Variants in POFUT2 observed in about 807,000 individuals in gnomAD.
POFUT2 encodes protein O-fucosyltransferase 2.
POFUT2 carries 30 observed loss-of-function variants against 55.0 expected under a neutral mutation model. The observed-to-expected ratio is 0.55, with a 90% CI of 0.41 to 0.74. The LOEUF (loss-of-function observed/expected upper bound fraction) is 0.74, where lower values mean the gene tolerates loss of function less well. POFUT2 is among the 30% of genes least tolerant of loss of function. The pLI, the probability that POFUT2 is intolerant of heterozygous loss-of-function variation, is 0.00. For synonymous variants in POFUT2, 267 were observed against 231.1 expected, an observed-to-expected ratio of 1.16 and a Z score of -1.41; for missense variants, 524 against 562.6, an observed-to-expected ratio of 0.93 and a Z score of 0.69.
rs535464800 is a variant in POFUT2, at chr21:45,282,604, C to T, written c.528-145G>A. Reference sequence around the variant, plus strand: ...AAACTTACTGATCGTGACTGCAGATCGTGACATTCTAGTAAAATTTTAAAA... The same window carrying T: ...AAACTTACTGATCGTGACTGCAGATTGTGACATTCTAGTAAAATTTTAAAA... On this transcript the variant is annotated intron_variant, in intron 3 of 8. Transcript: ENST00000349485. The surrounding 1 kb of genome is among the most constrained non-coding windows in gnomAD (Gnocchi z 4.6). 1.9e-4 allele frequency: 130 copies of T among 676,282 alleles called. No individual in the cohort carries two copies. Among genetic ancestry groups the T allele is most frequent in the African/African-American group, 1.9e-3 (105 of 55,094 alleles). 41.9% of individuals were successfully genotyped at this position (676,282 alleles called of 1,614,324 possible). A position where few individuals can be genotyped will look rare whatever the true frequency, so the allele number is the denominator to read the frequency against.
In POFUT2 at chr21:45,287,875, C is replaced by T. The variant is rs1323222191; in HGVS notation, c.-4G>A. ...AGACGAAGCTGAGTGTCGCCATGGC[C>T]CCGGGCGGCCACGCACTTCCGGCGG... is the stretch of plus-strand genomic sequence containing the variant. On this transcript the variant is annotated 5_prime_UTR_variant, in exon 1 of 9. Coordinates refer to ENST00000349485, the MANE Select transcript of POFUT2 (RefSeq NM_133635.6). The T allele has an allele frequency of 1.5e-6, 2 of 1,344,482 alleles. No homozygotes were observed. The highest frequency in any genetic ancestry group is 3.6e-5 in the South Asian group (2 of 55,958). 83.3% of individuals were successfully genotyped at this position (1,344,482 alleles called of 1,614,324 possible).
Position 45,279,408 on chromosome 21 carries a change from AAAAC to A in POFUT2, c.639-1243_639-1240del, listed in dbSNP as rs563833020. 1.7e-3 allele frequency among the ~76,000 whole-genome samples: 252 copies of A among 152,340 alleles called. 1 individual carries two copies. The highest frequency in any genetic ancestry group is 2.3e-3 in the Non-Finnish European group (157 of 68,030). On this transcript the variant is annotated intron_variant, in intron 4 of 8. Transcript: ENST00000349485. ...AGACTCAGTCTCAAAAAAAATACAA[AAAAC>A]AAACAAACAAAAAAATGTAATCTCT...
At chr21:45,268,328 C>T (rs1446764472) in intron 7 of POFUT2, among the ~76,000 whole-genome samples, 4 of 152,304 alleles carry the variant, frequency 2.6e-5, no homozygotes, top group East Asian at 1.9e-4. Context: ...GATCTCGGCT[C>T]GCTACAACCT....
At chr21:45,272,418 T>C (rs1160013324) in intron 6 of POFUT2, among the ~76,000 whole-genome samples, 3 of 152,166 alleles carry the variant, frequency 2.0e-5, no homozygotes, top group Non-Finnish European at 4.4e-5. Context: ...CAATTACTAC[T>C]AGACCTAAAA....
chr21:45,276,956 T>A (rs888324923), intron 6 of POFUT2, 61 bp downstream of exon 6: 26 of 1,571,788 alleles, frequency 1.7e-5, no homozygotes, highest in Non-Finnish European at 2.0e-5. Flanking sequence ...AAGGCCTGAG[T>A]GTGGGGCATC....
chr21:45,284,786 A>C lies in POFUT2; in HGVS notation c.382+892T>G, dbSNP rs2031188864. On this transcript the variant is annotated intron_variant, in intron 2 of 8. Transcript: ENST00000349485. This position sits in a 1 kb window ranked among gnomAD's most constrained non-coding sequence, Gnocchi z 5.8. ...CTTCCAGGACTCACAAGCAAATTTT[A>C]AAGTCAACTCAGGAAAGGACGCACT... Among the ~76,000 whole-genome samples, 3 of 152,170 alleles carry C rather than the reference A, an allele frequency of 2.0e-5. No individual in the cohort carries two copies. Among genetic ancestry groups the C allele is most frequent in the Admixed American group, 2.0e-4 (3 of 15,272 alleles).
chr21:45,265,351 G>T lies in POFUT2; in HGVS notation c.*131C>A. 1 of 777,382 alleles carries T rather than the reference G, an allele frequency of 1.3e-6. No individual in the cohort carries two copies. The highest frequency in any genetic ancestry group is 2.0e-6 in the Non-Finnish European group (1 of 496,254). 48.2% of individuals were successfully genotyped at this position (777,382 alleles called of 1,614,324 possible). ...CTCTAGAGGCGTGGGGCCTCTTCTGGGCCTGGGACCCTGCGAGGGACGGTC... is the reference window on the plus strand; with the variant it reads ...CTCTAGAGGCGTGGGGCCTCTTCTGTGCCTGGGACCCTGCGAGGGACGGTC... On this transcript the variant is annotated 3_prime_UTR_variant, in exon 9 of 9. Transcript: ENST00000349485. This position sits in a 1 kb window ranked among gnomAD's most constrained non-coding sequence, Gnocchi z 4.6.
In POFUT2 at chr21:45,266,200, C is replaced by G. The variant is rs767274001; in HGVS notation, c.1137-565G>C. ...TTCCTCCGGCTCCTGCGCAGCTGGT[C>G]TCTGGCTCTCCAGCGGCACTTCATG... On this transcript the variant is annotated intron_variant, in intron 8 of 8. Transcript: ENST00000349485. 8.8e-6 allele frequency: 12 copies of G among 1,367,492 alleles called. No homozygotes were observed. The Admixed American group carries it at 1.9e-4, about 22-fold the overall frequency. 84.7% of individuals were successfully genotyped at this position (1,367,492 alleles called of 1,614,324 possible).
chr21:45,279,902 C>A (rs1373458042), intron 4 of POFUT2, among the ~76,000 whole-genome samples: 1 of 152,166 alleles, frequency 6.6e-6, no homozygotes, highest in Non-Finnish European at 1.5e-5. Context: ...GGTGATTCCA[C>A]GTGTGTTTCA....
intron 6 of POFUT2, among the ~76,000 whole-genome samples, chr21:45,274,603 A>G (rs1221307967): frequency 6.6e-6 from 1 of 152,270 alleles, no homozygotes; most frequent in Non-Finnish European, 1.5e-5. Context: ...TGGTACCGCT[A>G]TAAAAATAGG....
chr21:45,275,096 C>A (rs1483612380), intron 6 of POFUT2, among the ~76,000 whole-genome samples: 1 of 152,052 alleles, frequency 6.6e-6, no homozygotes, highest in Non-Finnish European at 1.5e-5. Context: ...ACAAATAATC[C>A]CATCAAAACA....
At position 45,269,901 on chromosome 21, in the gene POFUT2, C is replaced by A. The variant is rs766778040; in HGVS notation, c.950G>T (p.Arg317Leu). The A allele has an allele frequency of 6.2e-7, 1 of 1,610,776 alleles. No homozygotes were observed. Among genetic ancestry groups the A allele is most frequent in the South Asian group, 1.1e-5 (1 of 90,364 alleles). Residue 317 changes from arginine (R) to leucine (L), a missense_variant, in exon 7 of 9, where the codon CGC (arginine) becomes CTC (leucine). Coordinates refer to ENST00000349485, the MANE Select transcript of POFUT2 (RefSeq NM_133635.6). The stretch of plus-strand genomic sequence containing the variant: ...CAGCCGGTGGGTCTTCATGAGGCTG[C>A]GGATCTTCCTCACGGCCCCTTCCAG... ...PSLEGAVRKI[R>L]SLMKTHRLDK... is the part of the protein sequence containing the mutation.
chr21:45,270,006 G>A lies in POFUT2; in HGVS notation c.845C>T (p.Ser282Phe). The change falls in exon 7 of 9, where the codon TCC (serine) becomes TTC (phenylalanine). Residue 282 changes from serine to phenylalanine, a missense_variant. This residue lies in a region of POFUT2 where 250 missense variants were observed against 318.2 expected (regional missense o/e 0.79). Coordinates refer to ENST00000349485, the MANE Select transcript of POFUT2 (RefSeq NM_133635.6). This position sits in a 1 kb window ranked among gnomAD's most constrained non-coding sequence, Gnocchi z 4.6. ...TCCCAGGTAGGGGCCCCCTAGCGCGGAGCCCAGCTTGACCTAGCAAAGAAC... is the reference window on the plus strand; with the variant it reads ...TCCCAGGTAGGGGCCCCCTAGCGCGAAGCCCAGCTTGACCTAGCAAAGAAC... ...DWMKMKVKLG[S>F]ALGGPYLGVH... 1 of 1,554,418 alleles carries A rather than the reference G, an allele frequency of 6.4e-7. No individual in the cohort carries two copies. The highest frequency in any genetic ancestry group is 8.6e-7 in the Non-Finnish European group (1 of 1,156,108).
chr21:45,272,360 A>G (rs1047220488), intron 6 of POFUT2, among the ~76,000 whole-genome samples: 11 of 152,220 alleles, frequency 7.2e-5, no homozygotes, highest in African/African-American at 2.4e-4. Flanking sequence ...GAATGCCACA[A>G]TCCTAATTAT....
chr21:45,282,638 T>A lies in POFUT2; in HGVS notation c.528-179A>T, dbSNP rs2236450. ...CTAGTAAAATTTTAAAAGAAGCCCA[T>A]GAGTGTCTCTCAGGCTGATGGACCA... On this transcript the variant is annotated intron_variant, in intron 3 of 8. Coordinates refer to ENST00000349485, the MANE Select transcript of POFUT2 (RefSeq NM_133635.6). The surrounding 1 kb of genome is among the most constrained non-coding windows in gnomAD (Gnocchi z 4.6). 6.6e-6 allele frequency among the ~76,000 whole-genome samples: 1 copy of A among 152,092 alleles called. No individual in the cohort carries two copies. Among genetic ancestry groups the A allele is most frequent in the South Asian group, 2.1e-4 (1 of 4,832 alleles).
At chr21:45,279,016 T>G (rs1198861203) in intron 4 of POFUT2, among the ~76,000 whole-genome samples, 1 of 152,066 alleles carries the variant, frequency 6.6e-6, no homozygotes, top group East Asian at 1.9e-4. Context: ...ACACACAAAA[T>G]GGACCGTGAG....
intron 7 of POFUT2, among the ~76,000 whole-genome samples, chr21:45,268,826 T>TCCGC (rs2093186044): frequency 9.1e-6 from 1 of 109,654 alleles, no homozygotes; most frequent in Non-Finnish European, 1.9e-5. Flanking sequence ...GGGTCAGCCC[T>TCCGC]CCGCCCGGCC....
At chr21:45,279,470 G>A (rs1306977822) in intron 4 of POFUT2, among the ~76,000 whole-genome samples, 1 of 152,146 alleles carries the variant, frequency 6.6e-6, no homozygotes, top group Admixed American at 6.5e-5. Flanking sequence ...ATCTAAGTTG[G>A]CATTTTATAG....
intron 4 of POFUT2, among the ~76,000 whole-genome samples, chr21:45,280,494 C>T (rs1161109800): frequency 1.3e-5 from 2 of 152,160 alleles, no homozygotes; most frequent in Admixed American, 1.3e-4. Flanking sequence ...CACTGGGTTC[C>T]CAGGGTTTTA....
Sources: allele counts gnomAD v4.1 joint callset (sites outside exome capture counted in the v4.1 genomes callset), GRCh38; gene constraint gnomAD v4.1.1; regional missense constraint gnomAD v4.1.1; non-coding constraint Gnocchi (gnomAD v3.1); transcripts MANE v1.5; gene names NCBI Gene and HGNC (gene_info 2026-07-23, HGNC 2026-07-21).